Variants in MBTPS1 observed in about 807,000 individuals in gnomAD.
MBTPS1 encodes the protein membrane bound transcription factor peptidase, site 1.
MBTPS1 carries 94 observed loss-of-function variants against 127.8 expected under a neutral mutation model. The observed-to-expected ratio is 0.74, with a 90% CI of 0.62 to 0.87. The LOEUF (loss-of-function observed/expected upper bound fraction) is 0.87, where lower values mean the gene tolerates loss of function less well. Ranked by LOEUF, MBTPS1 falls within the 40% of genes least tolerant of loss-of-function variation. The probability of loss-of-function intolerance (pLI) is 0.00; values close to 1 mark genes in which losing one functional copy is unlikely to be tolerated. For synonymous variants in MBTPS1, 632 were observed against 509.4 expected (o/e 1.24, Z -3.24); for missense variants, 1,636 against 1,353.2 (o/e 1.21, Z -3.28).
At chr16:84,059,509 G>A (rs1377619153) in intron 20 of MBTPS1, 81 bp from the exon 21 acceptor site, 25 of 1,335,674 alleles carry the variant, frequency 1.9e-5, no homozygotes, top group East Asian at 4.8e-5. Flanking sequence ...GCCTTATTAT[G>A]AGTCTGTCTG....
rs2151145004 is a variant in MBTPS1 at position 84,066,483 on chromosome 16, C to A, written c.2353+6G>T. 6.2e-6 allele frequency: 10 copies of A among 1,613,886 alleles called. No homozygotes were observed. The highest frequency in any genetic ancestry group is 8.5e-6 in the Non-Finnish European group (10 of 1,179,878). ...AAGACCACGCCCTCAGGAAACAGAG[C>A]CTTACTGTCATGGTTGGCCAGGGTG... On this transcript the variant is annotated splice_donor_region_variant and intron_variant, in intron 17 of 22. Transcript: ENST00000343411.
chr16:84,055,678 C>A (rs1252076752), intron 22 of MBTPS1, among the ~76,000 whole-genome samples: 1 of 132,056 alleles, frequency 7.6e-6, no homozygotes, highest in Non-Finnish European at 1.7e-5. Context: ...CTGTAAGGGA[C>A]GTTAATAGGT....
In MBTPS1 at chr16:84,101,194, G is replaced by A. The variant is rs528061582; in HGVS notation, c.163+427C>T. Among the ~76,000 whole-genome samples the A allele has an allele frequency of 4.2e-4, 64 of 151,970 alleles. 2 individuals are homozygous for A. The South Asian group carries it at 0.011, about 26-fold the overall frequency. On this transcript the variant is annotated intron_variant, in intron 2 of 22. Transcript: ENST00000343411. ...GGGTGCCTGTAGTCCCAGCTGCTCAGGAGGCTGAGGCAGGAGAACTGCTTG... is the reference window on the plus strand; with the variant it reads ...GGGTGCCTGTAGTCCCAGCTGCTCAAGAGGCTGAGGCAGGAGAACTGCTTG...
chr16:84,057,325 T>C (rs2085536957), intron 21 of MBTPS1: 1 of 152,278 alleles, frequency 6.6e-6, no homozygotes, highest in South Asian at 2.1e-4. Context: ...TATGACTTTG[T>C]AGCTGAATAT....
intron 1 of MBTPS1, among the ~76,000 whole-genome samples, chr16:84,116,118 C>A (rs528754635): frequency 1.3e-5 from 2 of 152,264 alleles, no homozygotes; most frequent in South Asian, 4.1e-4. Context: ...AAGTGTCAAT[C>A]AGAATCTAAT....
At chr16:84,054,777 T>C (rs1305531878) in intron 22 of MBTPS1, 132 bp from the exon 23 acceptor site, 3 of 653,878 alleles carry the variant, frequency 4.6e-6, no homozygotes, top group Non-Finnish European at 7.4e-6. Context: ...AGGGCATACA[T>C]CATTTTTAAG....
chr16:84,083,205 C>T lies in MBTPS1; in HGVS notation c.1287-1297G>A, dbSNP rs149336697. Among the ~76,000 whole-genome samples, 24 of 152,338 alleles carry T rather than the reference C, an allele frequency of 1.6e-4. No homozygotes were observed. In the East Asian group the frequency reaches 4.6e-3, roughly 29 times the overall value. On this transcript the variant is annotated intron_variant, in intron 10 of 22. Coordinates refer to ENST00000343411, the MANE Select transcript of MBTPS1 (RefSeq NM_003791.4). ...ACAACATTAGAAGCTGCAGCCCTAA[C>T]TGAATTCTCTCCACCTGGCAAATAC...
rs367771380 is a variant in MBTPS1 at position 84,063,832 on chromosome 16, A to C, written c.2432-387T>G. Among the ~76,000 whole-genome samples, 8 of 152,354 alleles carry C rather than the reference A, an allele frequency of 5.3e-5. No homozygotes were observed. The East Asian group carries it at 5.8e-4, about 11-fold the overall frequency. On this transcript the variant is annotated intron_variant, in intron 18 of 22. Transcript: ENST00000343411. ...GACACCTACACAAAGGGCAGCCAGCAGATCTTGCTAAACACACAGGTTTCT... is the reference window on the plus strand; with the variant it reads ...GACACCTACACAAAGGGCAGCCAGCCGATCTTGCTAAACACACAGGTTTCT...
chr16:84,071,678 T>C (rs1036802469), intron 12 of MBTPS1: 2 of 152,184 alleles, frequency 1.3e-5, no homozygotes, highest in Non-Finnish European at 2.9e-5. Context: ...TCTGGAATGA[T>C]GTTTCCATCT....
At chr16:84,082,586 G>A (rs1301441030) in intron 10 of MBTPS1, among the ~76,000 whole-genome samples, 3 of 150,776 alleles carry the variant, frequency 2.0e-5, no homozygotes, top group African/African-American at 7.5e-5. Flanking sequence ...GTGTATTTAT[G>A]TATTATAAAT....
chr16:84,089,119 T>A (rs1297765180), intron 8 of MBTPS1, among the ~76,000 whole-genome samples: 1 of 152,152 alleles, frequency 6.6e-6, no homozygotes, highest in Non-Finnish European at 1.5e-5. Flanking sequence ...GCCAGGAGGA[T>A]GGGCAGAGGG....
intron 1 of MBTPS1, among the ~76,000 whole-genome samples, chr16:84,103,847 G>A (rs2086289521): frequency 1.3e-5 from 2 of 152,178 alleles, no homozygotes; most frequent in Admixed American, 1.3e-4. Flanking sequence ...CAACTAAGGG[G>A]CGTGGAACTC....
chr16:84,072,517 C>A (rs1221177978), intron 12 of MBTPS1, among the ~76,000 whole-genome samples: 1 of 152,166 alleles, frequency 6.6e-6, no homozygotes. Flanking sequence ...TCAGGTCAGG[C>A]GCGATGGCTC....
At chr16:84,101,533 C>T in intron 2 of MBTPS1, 88 bp downstream of exon 2, 2 of 1,085,488 alleles carry the variant, frequency 1.8e-6, no homozygotes, top group Non-Finnish European at 2.6e-6. Flanking sequence ...AAAAGAGGAA[C>T]ATGTTATTCA....
At chr16:84,107,222 G>A (rs2151172344) in intron 1 of MBTPS1, among the ~76,000 whole-genome samples, 1 of 152,340 alleles carries the variant, frequency 6.6e-6, no homozygotes, top group South Asian at 2.1e-4. Context: ...CACTAGCTTA[G>A]TAACTGGCCC....
chr16:84,074,416 G>C (rs747958844), intron 12 of MBTPS1, among the ~76,000 whole-genome samples, 181 bp downstream of exon 12: 7 of 152,068 alleles, frequency 4.6e-5, no homozygotes, highest in African/African-American at 4.8e-5. Flanking sequence ...TTTATTATTT[G>C]TAGAGACAGG....
intron 9 of MBTPS1, among the ~76,000 whole-genome samples, chr16:84,086,751 C>G (rs1043816489): frequency 2.0e-5 from 3 of 152,126 alleles, no homozygotes; most frequent in Non-Finnish European, 2.9e-5. Context: ...TCGGCCACAG[C>G]GAGGGCAAAG....
intron 1 of MBTPS1, among the ~76,000 whole-genome samples, chr16:84,104,281 G>C (rs376268904): frequency 5.3e-5 from 8 of 152,066 alleles, no homozygotes; most frequent in Admixed American, 5.2e-4. Context: ...AGAGGTTTGA[G>C]ACCAGCCTGG....
At chr16:84,074,922 G>T in intron 11 of MBTPS1, 181 bp from the exon 12 acceptor site, 1 of 505,884 alleles carries the variant, frequency 2.0e-6, no homozygotes, top group Non-Finnish European at 3.5e-6. Context: ...TAAGGCCTCT[G>T]TGCCAGCCTG....
Sources: allele counts gnomAD v4.1 joint callset (sites outside exome capture counted in the v4.1 genomes callset), GRCh38; gene constraint gnomAD v4.1.1; transcripts MANE v1.5; gene names NCBI Gene and HGNC (gene_info 2026-07-23, HGNC 2026-07-21).